MICAL1: variants seen among roughly 807,000 people sequenced by gnomAD.
MICAL1 encodes [F-actin]-monooxygenase MICAL1.
Under a neutral mutation model 131.8 loss-of-function variants are expected in MICAL1, and 95 were observed. The ratio of observed to expected loss-of-function variants is 0.72; its 90% confidence interval spans 0.61 to 0.86. The LOEUF (loss-of-function observed/expected upper bound fraction) is 0.86. Ranked by LOEUF, MICAL1 falls within the 40% of genes least tolerant of loss-of-function variation. MICAL1 has a pLI of 0.00. For synonymous variants in MICAL1, 546 were observed against 554.2 expected, an observed-to-expected ratio of 0.99 and a Z score of 0.21; for missense variants, 1,292 against 1,380.6, an observed-to-expected ratio of 0.94 and a Z score of 1.02.
At chr6:109,458,927 TAG>T (rs796354114), upstream of MICAL1, among the ~76,000 whole-genome samples, 4 of 152,130 alleles carry the variant, frequency 2.6e-5, no homozygotes, top group African/African-American at 9.6e-5. Context: ...GCCAAAGGTG[TAG>T]AGAGTGCCAT....
chr6:109,447,002 A>G, intron 17 of MICAL1, 71 bp downstream of exon 17: 1 of 1,561,632 alleles, frequency 6.4e-7, no homozygotes, highest in Non-Finnish European at 8.7e-7. Context: ...GTGCCTCTCT[A>G]CCTCAAGCTC....
intron 1 of MICAL1, among the ~76,000 whole-genome samples, chr6:109,462,431 G>T (rs1318390410): frequency 6.6e-6 from 1 of 152,230 alleles, no homozygotes; most frequent in African/African-American, 2.4e-5. Flanking sequence ...CATGGAAGAT[G>T]TTTGAGACCC....
At chr6:109,451,217 A>G (rs1775527601) in intron 7 of MICAL1, among the ~76,000 whole-genome samples, 2 of 150,660 alleles carry the variant, frequency 1.3e-5, no homozygotes, top group African/African-American at 4.9e-5. Flanking sequence ...GCAGTGGCAC[A>G]ATCTTGGCTC....
At chr6:109,462,062 C>T (rs1775901880) in intron 1 of MICAL1, among the ~76,000 whole-genome samples, 1 of 152,236 alleles carries the variant, frequency 6.6e-6, no homozygotes, top group East Asian at 1.9e-4. Context: ...TTGTGTCCCC[C>T]TACTCCAAAT....
rs760062752 is a variant in MICAL1, at chr6:109,447,060, C to T, written c.2227+13G>A. 1 of 1,612,922 alleles carries T rather than the reference C, an allele frequency of 6.2e-7. No homozygotes were observed. Among genetic ancestry groups the T allele is most frequent in the African/African-American group, 1.3e-5 (1 of 75,024 alleles). ...GCCCAGAGTCTCTCTGGAGGTCTCCCAGGCCCACTCACCATCTCCTGGGTG... is the reference window on the plus strand; with the variant it reads ...GCCCAGAGTCTCTCTGGAGGTCTCCTAGGCCCACTCACCATCTCCTGGGTG... On this transcript the variant is annotated intron_variant, in intron 17 of 24. Transcript: ENST00000358807.
Position 109,445,407 on chromosome 6 carries a change from G to C in MICAL1, c.2787+9C>G, listed in dbSNP as rs370315135. 1.9e-6 allele frequency: 3 copies of C among 1,613,770 alleles called. No individual in the cohort carries two copies. The African/African-American group carries it at 4.0e-5, about 22-fold the overall frequency. On this transcript the variant is annotated intron_variant, in intron 21 of 24. Coordinates refer to ENST00000358807, the MANE Select transcript of MICAL1 (RefSeq NM_022765.4). ...CCCCATCAGAATTTTGGGAACCCCC[G>C]GGCTTCACCTGGGCCTTGCAGAACC...
At chr6:109,448,058 C>T (rs1485638511) in intron 13 of MICAL1, 95 bp from the exon 14 acceptor site, 2 of 1,415,722 alleles carry the variant, frequency 1.4e-6, no homozygotes, top group Non-Finnish European at 1.9e-6. Context: ...GGACACCTCT[C>T]CCAGGCTGGC....
chr6:109,452,677 G>T (rs1308606849), intron 4 of MICAL1, 62 bp from the exon 5 acceptor site: 1 of 1,248,470 alleles, frequency 8.0e-7, no homozygotes, highest in Non-Finnish European at 1.1e-6. Flanking sequence ...TATACTCTCA[G>T]GACAAACCAG....
intron 13 of MICAL1, 112 bp from the exon 14 acceptor site, chr6:109,448,075 A>G: frequency 1.5e-6 from 2 of 1,320,048 alleles, no homozygotes; most frequent in Non-Finnish European, 2.0e-6. Flanking sequence ...TGGCCCTCAG[A>G]GGGCGCCTTC....
chr6:109,459,256 T>C (rs1775833146), upstream of MICAL1, among the ~76,000 whole-genome samples: 1 of 152,204 alleles, frequency 6.6e-6, no homozygotes, highest in Admixed American at 6.5e-5. Flanking sequence ...CAAGGCACTC[T>C]GTTTGATGCT....
At position 109,462,029 on chromosome 6, in the gene MICAL1, G is replaced by A. The variant is rs576365415; in HGVS notation, c.14+3635C>T. On this transcript the variant is annotated intron_variant, in intron 1 of 24. Transcript: ENST00000630715. ...CAGACACTGCTCCCCTCCTCACTCA[G>A]ATGCCAGTTGTTAGGAGGTAAATTG... Among the ~76,000 whole-genome samples the A allele has an allele frequency of 6.1e-5, 8 of 131,052 alleles. No individual in the cohort carries two copies. The South Asian group carries it at 1.5e-3, about 25-fold the overall frequency. The allele number at this position is 131,052 out of a possible 152,430, so 86.0% of individuals were successfully genotyped here.
intron 1 of MICAL1, 84 bp from the exon 2 acceptor site, chr6:109,454,323 TC>T: frequency 7.5e-7 from 1 of 1,334,378 alleles, no homozygotes; most frequent in Non-Finnish European, 1.0e-6. Context: ...CAGGCTGGTG[TC>T]CCCAGGGAGC....
intron 7 of MICAL1, among the ~76,000 whole-genome samples, chr6:109,450,865 C>G (rs1359653689): frequency 6.6e-6 from 1 of 152,192 alleles, no homozygotes; most frequent in South Asian, 2.1e-4. Context: ...GACAACATGC[C>G]TAATTTATCA....
At chr6:109,445,601 C>T in intron 20 of MICAL1, 72 bp from the exon 21 acceptor site, 1 of 1,577,546 alleles carries the variant, frequency 6.3e-7, no homozygotes, top group Non-Finnish European at 8.7e-7. Flanking sequence ...TTTGGAAAGG[C>T]AGAAAATAAC....
At chr6:109,461,002 CACA>C (rs1362707369) in intron 1 of MICAL1, among the ~76,000 whole-genome samples, 1 of 152,104 alleles carries the variant, frequency 6.6e-6, no homozygotes, top group African/African-American at 2.4e-5. Flanking sequence ...GGTACATGTG[CACA>C]ACATGCAGGT....
rs748423593 is a variant in MICAL1, at chr6:109,448,303, C to T, written c.1755G>A (p.Val585=). 2 of 1,614,016 alleles carry T rather than the reference C, an allele frequency of 1.2e-6. No homozygotes were observed. The highest frequency in any genetic ancestry group is 1.1e-5 in the South Asian group (1 of 91,084). The change falls in exon 13 of 25, where the codon GTG becomes GTA. Residue 585 remains valine (V), a synonymous_variant. Transcript: ENST00000358807. The part of the protein sequence containing the change: ...VAENELGITP[V]VSAQAVVAGS... Reference sequence around the variant, plus strand: ...CTGCTACCACGGCCTGTGCAGACACCACCGGTGTGATGCCCAGCTCATTCT... The same window carrying T: ...CTGCTACCACGGCCTGTGCAGACACTACCGGTGTGATGCCCAGCTCATTCT...
In MICAL1 at chr6:109,445,779, C is replaced by T. The variant is rs749344632; in HGVS notation, c.2665G>A (p.Val889Met). The part of the protein sequence containing the change: ...EEEDVPLDSD[V>M]EQALQTFAKT... ...CACGCTGGCCCACTCACCTGTTCCA[C>T]ATCTGAGTCCAAAGGCACATCTTCT... is the stretch of plus-strand genomic sequence containing the variant. The change falls in exon 20 of 25, where the codon GTG becomes ATG. Residue 889 changes from valine to methionine, a missense_variant. Physicochemically the swap from Val to Met is conservative, Grantham distance 21. Transcript: ENST00000358807. The T allele has an allele frequency of 1.2e-6, 2 of 1,611,168 alleles. No homozygotes were observed. The highest frequency in any genetic ancestry group is 2.2e-5 in the South Asian group (2 of 90,396).
At chr6:109,458,042 A>G (rs779248174), upstream of MICAL1, among the ~76,000 whole-genome samples, 9 of 152,142 alleles carry the variant, frequency 5.9e-5, no homozygotes, top group Admixed American at 2.0e-4. Flanking sequence ...TTTCTACTCC[A>G]AAATCCTATC....
Position 109,445,184 on chromosome 6 carries a change from G to A in MICAL1, c.2881+13C>T. Reference sequence around the variant, plus strand: ...TGCTAGAAGGCAGAGGGGTGTCCTAGCTTGTCACTCACTGCTCTGGCGCCT... The same window carrying A: ...TGCTAGAAGGCAGAGGGGTGTCCTAACTTGTCACTCACTGCTCTGGCGCCT... On this transcript the variant is annotated intron_variant, in intron 22 of 24. Coordinates refer to ENST00000358807, the MANE Select transcript of MICAL1 (RefSeq NM_022765.4). The A allele has an allele frequency of 6.2e-7, 1 of 1,612,496 alleles. No homozygotes were observed. Among genetic ancestry groups the A allele is most frequent in the Non-Finnish European group, 8.5e-7 (1 of 1,179,870 alleles).
Sources: gnomAD v4.1 joint callset for allele counts (sites outside exome capture counted in the v4.1 genomes callset) on GRCh38, gnomAD v4.1.1 for gene constraint, MANE v1.5 for transcripts, NCBI Gene and HGNC (gene_info 2026-07-23, HGNC 2026-07-21) for gene names.